The following KDM1B variants were observed in gnomAD, a reference collection of about 807,000 sequenced individuals.
The protein encoded by KDM1B is lysine-specific histone demethylase 2.
Under a neutral mutation model 107.4 loss-of-function variants are expected in KDM1B, and 63 were observed. The ratio of observed to expected loss-of-function variants is 0.59; its 90% CI spans 0.48 to 0.72. KDM1B has a LOEUF of 0.72. Ranked by LOEUF, KDM1B falls within the 30% of genes least tolerant of loss-of-function variation. The pLI is 0.00. For missense variants in KDM1B, 749 were observed against 1,020.8 expected (o/e 0.73, Z 3.63); for synonymous variants, 363 against 363.9 (o/e 1.00, Z 0.03).
Position 18,161,467 on chromosome 6 carries a change from G to A in KDM1B, c.215+13G>A. 2 of 1,613,210 alleles carry A rather than the reference G, an allele frequency of 1.2e-6. No individual in the cohort carries two copies. Among genetic ancestry groups the A allele is most frequent in the Non-Finnish European group, 8.5e-7 (1 of 1,179,696 alleles). On this transcript the variant is annotated intron_variant, in intron 4 of 21. Coordinates refer to ENST00000650836, the MANE Select transcript of KDM1B (RefSeq NM_001364614.2). The stretch of plus-strand genomic sequence containing the variant: ...GTGCTTCTGAAAGGTCTGTTTAGAT[G>A]TGTGTCTTGGCCTCCCATTTCTGCT...
intron 10 of KDM1B, among the ~76,000 whole-genome samples, chr6:18,195,184 C>T (rs1312624714): frequency 6.6e-6 from 1 of 152,150 alleles, no homozygotes; most frequent in East Asian, 1.9e-4. Context: ...GTCCATTCGT[C>T]CACTGATGGG....
intron 7 of KDM1B, among the ~76,000 whole-genome samples, chr6:18,181,790 TA>T (rs1312770472): frequency 2.0e-5 from 3 of 151,806 alleles, no homozygotes; most frequent in East Asian, 3.9e-4. Context: ...CTTGAAAAAA[TA>T]AAAAAAACAA....
At chr6:18,188,165 C>A (rs1582143414) in intron 9 of KDM1B, among the ~76,000 whole-genome samples, 163 bp downstream of exon 9, 2 of 152,002 alleles carry the variant, frequency 1.3e-5, no homozygotes, top group African/African-American at 2.4e-5. Flanking sequence ...CAGGAGGGTC[C>A]CTTGAGGCCA....
chr6:18,187,544 A>G (rs1414511817), intron 8 of KDM1B, among the ~76,000 whole-genome samples: 1 of 152,156 alleles, frequency 6.6e-6, no homozygotes, highest in African/African-American at 2.4e-5. Flanking sequence ...GGGAGGGATA[A>G]GGGAGGCTGT....
At position 18,212,547 on chromosome 6, in the gene KDM1B, GT is replaced by G; in HGVS notation, c.1928del (p.Leu643CysfsTer6). On this transcript the variant is annotated frameshift_variant, in exon 18 of 22. Coordinates refer to ENST00000650836, the MANE Select transcript of KDM1B (RefSeq NM_001364614.2). LOFTEE classifies it high-confidence loss of function. This position sits in a 1 kb window ranked among gnomAD's most constrained non-coding sequence, Gnocchi z 5.2. ...AAGGTGCCATTCAGTTTAATCCACC[GT>G]TGTCAGAGAAGAAGATGAAGGCTAT... ...QKGAIQFNPP[L>X]SEKKMKAINS... 3 of 1,614,140 alleles carry G rather than the reference GT, an allele frequency of 1.9e-6. No homozygotes were observed. Among genetic ancestry groups the G allele is most frequent in the Non-Finnish European group, 2.5e-6 (3 of 1,179,992 alleles).
rs778572531 is a variant in KDM1B at position 18,159,939 on chromosome 6, A to C, written c.44A>C (p.Asp15Ala). ...AGGACAAAGAAAAAAGCATCTTTTG[A>C]TCATTCTCCGGATAGCCTTCCTTTG... ...RGRTKKKASFDHSPDSLPLRS... is the reference protein window; with the variant it reads ...RGRTKKKASFAHSPDSLPLRS... Residue 15 changes from aspartate to alanine, a missense_variant, in exon 3 of 22, where the codon GAT becomes GCT. Asp to Ala is a moderately radical substitution (Grantham distance 126). Coordinates refer to ENST00000650836, the MANE Select transcript of KDM1B (RefSeq NM_001364614.2). The surrounding 1 kb of genome is among the most constrained non-coding windows in gnomAD (Gnocchi z 4.5). The C allele has an allele frequency of 6.2e-7, 1 of 1,610,346 alleles. No homozygotes were observed. The highest frequency in any genetic ancestry group is 8.5e-7 in the Non-Finnish European group (1 of 1,178,804).
At chr6:18,157,111 T>C (rs1784662500) in intron 2 of KDM1B, among the ~76,000 whole-genome samples, 1 of 152,192 alleles carries the variant, frequency 6.6e-6, no homozygotes, top group African/African-American at 2.4e-5. Context: ...ATGTTGAGCA[T>C]GAAACCAATT....
At chr6:18,221,615 G>A (rs925959938) in intron 21 of KDM1B, among the ~76,000 whole-genome samples, 1 of 152,112 alleles carries the variant, frequency 6.6e-6, no homozygotes, top group Admixed American at 6.5e-5. Flanking sequence ...TACATTACTT[G>A]TCTGATGGGA....
At chr6:18,202,755 G>C (rs1175525192) in intron 14 of KDM1B, among the ~76,000 whole-genome samples, 6 of 152,148 alleles carry the variant, frequency 3.9e-5, no homozygotes, top group Admixed American at 2.6e-4. Flanking sequence ...CTTAGTAGCA[G>C]GGACTATGTA....
chr6:18,208,242 C>A, intron 17 of KDM1B, 36 bp downstream of exon 17: 1 of 1,484,402 alleles, frequency 6.7e-7, no homozygotes, highest in South Asian at 1.2e-5. Context: ...GGGTAGAAAC[C>A]TTTGCTGCCA....
At chr6:18,190,696 C>T in intron 9 of KDM1B, among the ~76,000 whole-genome samples, 1 of 152,030 alleles carries the variant, frequency 6.6e-6, no homozygotes. Context: ...AGGCCAGTAC[C>T]TTGAAACCAG....
chr6:18,215,023 T>C lies in KDM1B; in HGVS notation c.2126T>C (p.Leu709Pro). 6.2e-7 allele frequency: 1 copy of C among 1,614,066 alleles called. No individual in the cohort carries two copies. Among genetic ancestry groups the C allele is most frequent in the Non-Finnish European group, 8.5e-7 (1 of 1,179,970 alleles). Residue 709 changes from leucine to proline, a missense_variant, in exon 20 of 22, where the codon CTG (leucine) becomes CCG (proline). By Grantham distance (98) the Leu-to-Pro change is moderately conservative. Transcript: ENST00000650836. ...TGTCTCCAGAAGAAGCACAGCGTGC[T>C]GATGTCTGTGATTGCCGGGGAGGCT... ...DMDPQKKHSV[L>P]MSVIAGEAVA...
rs554357509 is a variant in KDM1B at position 18,216,873 on chromosome 6, A to T, written c.2233-860A>T. ...CATAGGTATGAATAGGAAAAAACAT[A>T]GTGTGTATAGTATTGGTCCTATCCA... On this transcript the variant is annotated intron_variant, in intron 20 of 21. Coordinates refer to ENST00000650836, the MANE Select transcript of KDM1B (RefSeq NM_001364614.2). 4.1e-4 allele frequency among the ~76,000 whole-genome samples: 63 copies of T among 152,340 alleles called. No individual in the cohort carries two copies. In the South Asian group the frequency reaches 8.5e-3, roughly 21 times the overall value.
In KDM1B at chr6:18,222,064, TA is replaced by T; in HGVS notation, c.*73del. ...TGAATCACATGTTAAACCTCAGTTTTATAAGAGGGGGAAAAAACCGTCTCTA... is the reference window on the plus strand; with the variant it reads ...TGAATCACATGTTAAACCTCAGTTTTTAAGAGGGGGAAAAAACCGTCTCTA... On this transcript the variant is annotated 3_prime_UTR_variant, in exon 22 of 22. Transcript: ENST00000650836. 1 of 1,360,702 alleles carries T rather than the reference TA, an allele frequency of 7.3e-7. No individual in the cohort carries two copies. The highest frequency in any genetic ancestry group is 1.7e-5 in the Admixed American group (1 of 59,652). The allele number at this position is 1,360,702 out of a possible 1,614,324, so 84.3% of individuals were successfully genotyped here. A position where few individuals can be genotyped will look rare whatever the true frequency, so the allele number is the denominator to read the frequency against.
intron 21 of KDM1B, 63 bp downstream of exon 21, chr6:18,217,948 A>G (rs927368158): frequency 2.3e-5 from 36 of 1,542,568 alleles, no homozygotes; most frequent in South Asian, 1.1e-4. Flanking sequence ...ATCTAAAATG[A>G]TATCTGCCCA....
chr6:18,166,240 G>A (rs545145170), intron 5 of KDM1B, 27 bp from the exon 6 acceptor site: 14 of 1,043,886 alleles, frequency 1.3e-5, no homozygotes, highest in African/African-American at 3.1e-5. Flanking sequence ...TATATTAATC[G>A]ATATATTAAT....
At chr6:18,192,824 C>G (rs1787367939) in intron 10 of KDM1B, among the ~76,000 whole-genome samples, 1 of 149,124 alleles carries the variant, frequency 6.7e-6, no homozygotes, top group Non-Finnish European at 1.5e-5. Flanking sequence ...TGAAATTTGA[C>G]TTATACAGGG....
intron 10 of KDM1B, among the ~76,000 whole-genome samples, chr6:18,194,442 C>T (rs766216333): frequency 3.3e-5 from 5 of 152,140 alleles, no homozygotes; most frequent in Admixed American, 3.3e-4. Flanking sequence ...TGTGCTCTGC[C>T]GCCATGCACC....
At chr6:18,198,317 A>T (rs1011260004) in intron 12 of KDM1B, among the ~76,000 whole-genome samples, 1 of 152,126 alleles carries the variant, frequency 6.6e-6, no homozygotes, top group Non-Finnish European at 1.5e-5. Flanking sequence ...TGTGTAAAAA[A>T]GTTTCTGAAA....
Sources: allele counts gnomAD v4.1 joint callset (sites outside exome capture counted in the v4.1 genomes callset), GRCh38; gene constraint gnomAD v4.1.1; non-coding constraint Gnocchi (gnomAD v3.1); transcripts MANE v1.5; gene names NCBI Gene and HGNC (gene_info 2026-07-23, HGNC 2026-07-21).